Variants in XKRX observed in about 807,000 individuals in gnomAD.
XKRX encodes the protein XK related X-linked.
In XKRX, 11 loss-of-function variants were observed where a neutral mutation model predicts 22.4. The ratio of observed to expected loss-of-function variants is 0.49; its 90% CI spans 0.31 to 0.81. The LOEUF (loss-of-function observed/expected upper bound fraction) is 0.81, where lower values mean the gene tolerates loss of function less well. Among genes scored for constraint, XKRX ranks in the 40% least tolerant of loss-of-function variants. The probability of loss-of-function intolerance (pLI) is 0.05; values close to 1 mark genes in which losing one functional copy is unlikely to be tolerated. For synonymous variants in XKRX, 114 were observed against 132.2 expected (o/e 0.86, Z 0.94); for missense variants, 320 against 336.5 (o/e 0.95, Z 0.38).
chrX:100,952,176 A>C, the XKRX span, among the ~76,000 whole-genome samples: 3 of 111,270 alleles, frequency 2.7e-5, no homozygotes, highest in East Asian at 8.4e-4. Flanking sequence ...TGTAATCCAC[A>C]TATCAACAGG....
At chrX:100,923,264 A>G (rs752937053) in intron 1 of XKRX, among the ~76,000 whole-genome samples, 1 of 111,981 alleles carries the variant, frequency 8.9e-6, no homozygotes, top group South Asian at 3.7e-4. Flanking sequence ...TGATCCTCCC[A>G]CCTCAGCCTT....
chrX:100,923,158 T>A (rs956536682), intron 1 of XKRX, 97 bp from the exon 2 acceptor site: 24 of 1,042,395 alleles, frequency 2.3e-5, no homozygotes, highest in Non-Finnish European at 3.1e-5. Context: ...TGTGCTACTT[T>A]ATTTTATTTT....
chrX:100,887,142 C>T, the XKRX span, among the ~76,000 whole-genome samples: 1 of 111,611 alleles, frequency 9.0e-6, no homozygotes, highest in East Asian at 2.8e-4. Flanking sequence ...AATTCAATTA[C>T]ACCAAGGTTT....
the XKRX span, among the ~76,000 whole-genome samples, chrX:100,936,623 G>A: frequency 9.4e-6 from 1 of 106,335 alleles, no homozygotes; most frequent in Non-Finnish European, 1.9e-5. Context: ...CAGGCAGGCC[G>A]GCTGGCCCAA....
At chrX:100,945,746 G>T in the XKRX span, among the ~76,000 whole-genome samples, 2 of 98,853 alleles carry the variant, frequency 2.0e-5, no homozygotes, top group African/African-American at 7.5e-5. Context: ...GGCAGAGGTT[G>T]CAGTGAGCCG....
intron 2 of XKRX, among the ~76,000 whole-genome samples, chrX:100,918,797 T>G (rs2085457737): frequency 9.0e-6 from 1 of 111,270 alleles, no homozygotes; most frequent in South Asian, 3.8e-4. Flanking sequence ...TCTTCCCTTC[T>G]TCCTTTCCTT....
the XKRX span, among the ~76,000 whole-genome samples, chrX:100,902,851 C>T: frequency 2.8e-5 from 3 of 108,937 alleles, no homozygotes; most frequent in South Asian, 4.1e-4. Flanking sequence ...CCAGGGTTCA[C>T]GCCATTCTCC....
downstream of XKRX, among the ~76,000 whole-genome samples, chrX:100,912,045 A>ATGT (rs1342348626): frequency 3.6e-5 from 4 of 111,590 alleles, no homozygotes; most frequent in South Asian, 1.5e-3. Flanking sequence ...ATGTGTCTAT[A>ATGT]TGTTTCCATA....
intron 2 of XKRX, among the ~76,000 whole-genome samples, chrX:100,920,263 T>C (rs1429985556): frequency 9.0e-6 from 1 of 110,566 alleles, no homozygotes; most frequent in East Asian, 2.8e-4. Flanking sequence ...AAATGTATAT[T>C]ATATATTTAT....
At chrX:100,897,591 ATATG>A in the XKRX span, among the ~76,000 whole-genome samples, 153 of 40,185 alleles carry the variant, frequency 3.8e-3, 1 homozygote, top group African/African-American at 0.015. Flanking sequence ...ACAAATATAT[ATATG>A]TGTGTGTGTG....
upstream of XKRX, among the ~76,000 whole-genome samples, chrX:100,931,594 C>T (rs142243898): frequency 2.0e-3 from 225 of 111,831 alleles, no homozygotes; most frequent in African/African-American, 7.0e-3. Flanking sequence ...GCTACTGGCA[C>T]ATGCTCTCTC....
At chrX:100,922,700 T>A in intron 2 of XKRX, 93 bp downstream of exon 2, 1 of 888,505 alleles carries the variant, frequency 1.1e-6, no homozygotes, top group East Asian at 3.2e-5. Context: ...AATAGCCACA[T>A]GAAGCTAGTG....
chrX:100,915,711 T>TGTGC (rs1556190817), intron 2 of XKRX, among the ~76,000 whole-genome samples: 12 of 72,242 alleles, frequency 1.7e-4, no homozygotes, highest in African/African-American at 4.7e-4. Context: ...TGTGTGTGCG[T>TGTGC]GTGTGTGTGT....
the XKRX span, among the ~76,000 whole-genome samples, chrX:100,907,665 C>A: frequency 5.4e-5 from 6 of 111,968 alleles, no homozygotes; most frequent in Admixed American, 2.8e-4. Context: ...GCAATGAACA[C>A]CCCTATGCAT....
At chrX:100,911,564 A>G (rs981010136), downstream of XKRX, 10 of 537,445 alleles carry the variant, frequency 1.9e-5, no homozygotes, top group Non-Finnish European at 3.1e-5. Flanking sequence ...ATGTTTCTGA[A>G]TACCACCAAA....
the XKRX span, among the ~76,000 whole-genome samples, chrX:100,890,363 A>C: frequency 2.2e-4 from 24 of 110,687 alleles, 1 homozygote; most frequent in Admixed American, 2.3e-3. Flanking sequence ...ATCAGGGACC[A>C]AAACAGTCAC....
chrX:100,919,434 C>T (rs1009048196), intron 2 of XKRX, among the ~76,000 whole-genome samples: 3 of 111,528 alleles, frequency 2.7e-5, no homozygotes, highest in South Asian at 3.7e-4. Flanking sequence ...ACATATTACA[C>T]GTATGACATG....
the XKRX span, among the ~76,000 whole-genome samples, chrX:100,953,193 T>C: frequency 9.0e-6 from 1 of 111,048 alleles, no homozygotes; most frequent in Non-Finnish European, 1.9e-5. Flanking sequence ...GAGGCTGAGG[T>C]CAGGGGATCA....
the XKRX span, among the ~76,000 whole-genome samples, chrX:100,891,756 AAAG>A: frequency 1.3e-5 from 1 of 78,300 alleles, no homozygotes. Flanking sequence ...AGGAAAGAAG[AAAG>A]AAGAAAAGAA....
Sources: gnomAD v4.1 joint callset for allele counts (sites outside exome capture counted in the v4.1 genomes callset) on GRCh38, gnomAD v4.1.1 for gene constraint, MANE v1.5 for transcripts, NCBI Gene and HGNC (gene_info 2026-07-23, HGNC 2026-07-21) for gene names.